Variants in EYS observed in about 807,000 individuals in gnomAD.
The protein encoded by EYS is protein eyes shut homolog.
EYS carries 250 observed loss-of-function variants against 282.1 expected under a neutral mutation model. The observed-to-expected ratio is 0.89, with a 90% confidence interval of 0.80 to 0.98. The LOEUF (loss-of-function observed/expected upper bound fraction) is 0.98, where lower values mean the gene tolerates loss of function less well. Ranked by LOEUF, EYS falls within the 50% of genes least tolerant of loss-of-function variation. EYS has a pLI of 0.00. For missense variants in EYS, 4,016 were observed against 3,709.0 expected (o/e 1.08, Z -2.15); for synonymous variants, 1,355 against 1,282.9 (o/e 1.06, Z -1.20).
chr6:64,661,042 T>G (rs1224050012), intron 22 of EYS, among the ~76,000 whole-genome samples: 1 of 152,098 alleles, frequency 6.6e-6, no homozygotes, highest in South Asian at 2.1e-4. Flanking sequence ...AACAGAGATA[T>G]AGACCAATGG....
chr6:64,905,701 A>G (rs574179883), intron 16 of EYS, among the ~76,000 whole-genome samples: 1 of 152,280 alleles, frequency 6.6e-6, no homozygotes, highest in Non-Finnish European at 1.5e-5. Flanking sequence ...TAACAAATTC[A>G]GCCTTTTTGC....
Position 65,296,016 on chromosome 6 carries a change from A to G in EYS, c.1870T>C (p.Ser624Pro). ...AGACCGCTACAGTTACAATTGTGCG[A>G]AAGGGCCAGGCAGAGGCCATGCACT... ...ISVHGLCLAL[S>P]HNCNCSGLQR... is the part of the protein sequence containing the mutation. Residue 624 changes from serine (S) to proline (P), a missense_variant, in exon 12 of 43, where the codon TCG (serine) becomes CCG (proline). Ser to Pro is a moderately conservative substitution (Grantham distance 74). Coordinates refer to ENST00000503581, the MANE Select transcript of EYS (RefSeq NM_001142800.2). 1 of 1,551,238 alleles carries G rather than the reference A, an allele frequency of 6.4e-7. No individual in the cohort carries two copies. Among genetic ancestry groups the G allele is most frequent in the Non-Finnish European group, 8.7e-7 (1 of 1,146,540 alleles).
intron 22 of EYS, among the ~76,000 whole-genome samples, chr6:64,632,805 G>A (rs1767833776): frequency 6.6e-6 from 1 of 152,044 alleles, no homozygotes; most frequent in Non-Finnish European, 1.5e-5. Flanking sequence ...TTGATTATGA[G>A]TTCAATATTA....
At chr6:64,126,475 A>C (rs1253545601) in intron 31 of EYS, among the ~76,000 whole-genome samples, 3 of 152,024 alleles carry the variant, frequency 2.0e-5, no homozygotes, top group African/African-American at 7.2e-5. Flanking sequence ...GTTGTGTTAA[A>C]ATTCTGGCCT....
At chr6:64,913,941 A>G (rs1768082435) in intron 15 of EYS, among the ~76,000 whole-genome samples, 1 of 152,174 alleles carries the variant, frequency 6.6e-6, no homozygotes, top group East Asian at 1.9e-4. Context: ...TTATCTGTGT[A>G]TCACAGGCTT....
rs192999692 is a variant in EYS, at chr6:65,137,499, G to A, written c.2024-79772C>T. ...ACTGGAGACTTTTAAGCCAGAGATG[G>A]AATGGAGAATCAGGGAGAAGATCAG... On this transcript the variant is annotated intron_variant, in intron 12 of 42. Transcript: ENST00000503581. 8.3e-4 allele frequency among the ~76,000 whole-genome samples: 126 copies of A among 152,184 alleles called. 2 individuals carry two copies. The highest frequency in any genetic ancestry group is 2.8e-3 in the African/African-American group (116 of 41,550).
chr6:65,539,299 C>A, intron 2 of EYS, among the ~76,000 whole-genome samples: 1 of 152,268 alleles, frequency 6.6e-6, no homozygotes, highest in Middle Eastern at 3.4e-3. Context: ...AGACGAAGTT[C>A]TTCTGCCATC....
chr6:65,045,275 C>T (rs529700787), intron 13 of EYS, among the ~76,000 whole-genome samples: 1 of 151,988 alleles, frequency 6.6e-6, no homozygotes, highest in African/African-American at 2.4e-5. Flanking sequence ...GCAATGTTTT[C>T]TAAATCATTT....
chr6:65,057,623 G>C lies in EYS; in HGVS notation c.2128C>G (p.Pro710Ala), dbSNP rs1372870016. Residue 710 changes from proline (P) to alanine (A), a missense_variant, in exon 13 of 43, where the codon CCA becomes GCA. By Grantham distance (27) the Pro-to-Ala change is conservative (BLOSUM62 -1). Coordinates refer to ENST00000503581, the MANE Select transcript of EYS (RefSeq NM_001142800.2). Reference sequence around the variant, plus strand: ...CCTTGGTGTTCATTACCTTTAAATGGAGGCACACACTGGCAGAAGTAATTA... The same window carrying C: ...CCTTGGTGTTCATTACCTTTAAATGCAGGCACACACTGGCAGAAGTAATTA... ...PGNYFCQCVP[P>A]FKVVDGFSCL... is the part of the protein sequence containing the mutation. 6.5e-7 allele frequency: 1 copy of C among 1,545,232 alleles called. No homozygotes were observed. The highest frequency in any genetic ancestry group is 8.8e-7 in the Non-Finnish European group (1 of 1,141,386).
At chr6:64,257,766 GGAT>G (rs3072582) in intron 30 of EYS, among the ~76,000 whole-genome samples, 89,377 of 149,124 alleles carry the variant, frequency 0.6, 27,157 homozygotes, top group Non-Finnish European at 0.67. Flanking sequence ...TGAATGGTGT[GGAT>G]GATGATGATG....
At chr6:63,760,664 C>A (rs1057005882) in intron 41 of EYS, among the ~76,000 whole-genome samples, 1 of 142,774 alleles carries the variant, frequency 7.0e-6, no homozygotes, top group African/African-American at 2.7e-5. Context: ...ATCTATCTAT[C>A]TATCTATCTA....
Position 64,565,470 on chromosome 6 carries a change from T to C in EYS, c.5644+24753A>G, listed in dbSNP as rs966789198. ...AGAAAATACTGCCATTTTGACAACA[T>C]GGATTAACTTGGAGGACATTATACA... On this transcript the variant is annotated intron_variant, in intron 26 of 42. Transcript: ENST00000503581. Among the ~76,000 whole-genome samples, 108 of 152,118 alleles carry C rather than the reference T, an allele frequency of 7.1e-4. 1 individual carries two copies. Among genetic ancestry groups the C allele is most frequent in the African/African-American group, 2.5e-3 (105 of 41,426 alleles).
chr6:65,512,343 T>C (rs1582397919), intron 2 of EYS, among the ~76,000 whole-genome samples: 1 of 151,444 alleles, frequency 6.6e-6, no homozygotes, highest in African/African-American at 2.4e-5. Flanking sequence ...ATACAAAAAA[T>C]TAGCCGGGTG....
intron 2 of EYS, among the ~76,000 whole-genome samples, chr6:65,599,936 G>A (rs1765558016): frequency 6.6e-6 from 1 of 152,034 alleles, no homozygotes; most frequent in East Asian, 1.9e-4. Flanking sequence ...GCACAGAATT[G>A]GTTATGTGCT....
At chr6:64,185,721 T>G (rs1050585537) in intron 31 of EYS, among the ~76,000 whole-genome samples, 1 of 152,150 alleles carries the variant, frequency 6.6e-6, no homozygotes, top group Admixed American at 6.6e-5. Flanking sequence ...ACTGTGATTT[T>G]CAAAGCTTGA....
At chr6:64,328,517 C>A (rs570841673) in intron 29 of EYS, among the ~76,000 whole-genome samples, 2 of 152,122 alleles carry the variant, frequency 1.3e-5, no homozygotes, top group African/African-American at 4.8e-5. Flanking sequence ...AGAGGCTGTG[C>A]GAGGCTTACC....
At chr6:65,054,349 C>A (rs1416274757) in intron 13 of EYS, among the ~76,000 whole-genome samples, 1 of 151,874 alleles carries the variant, frequency 6.6e-6, no homozygotes. Context: ...CATCTTCTGG[C>A]TTTTCTCTAG....
intron 2 of EYS, among the ~76,000 whole-genome samples, chr6:65,558,287 C>T (rs375452796): frequency 3.3e-5 from 5 of 152,170 alleles, no homozygotes; most frequent in Admixed American, 6.5e-5. Flanking sequence ...GGGGTCAAGG[C>T]GGCAGTAGGG....
chr6:65,212,776 AT>A (rs1766206514), intron 12 of EYS, among the ~76,000 whole-genome samples: 2 of 152,156 alleles, frequency 1.3e-5, no homozygotes, highest in South Asian at 4.1e-4. Flanking sequence ...ATGTTAAAAA[AT>A]TCATTAATAT....
Sources: gnomAD v4.1 joint callset for allele counts (sites outside exome capture counted in the v4.1 genomes callset) on GRCh38, gnomAD v4.1.1 for gene constraint, MANE v1.5 for transcripts, NCBI Gene and HGNC (gene_info 2026-07-23, HGNC 2026-07-21) for gene names.